The following LRRTM3 variants were observed in gnomAD, a reference collection of about 807,000 sequenced individuals.
LRRTM3 encodes the protein leucine rich repeat transmembrane neuronal 3, also known as leucine-rich repeat transmembrane neuronal protein 3.
A neutral mutation model predicts 44.7 loss-of-function variants in LRRTM3; 24 were observed. The ratio of observed to expected loss-of-function variants is 0.54; its 90% CI spans 0.39 to 0.76. The LOEUF (loss-of-function observed/expected upper bound fraction) is 0.76, where lower values mean the gene tolerates loss of function less well. LRRTM3 is among the 30% of genes least tolerant of loss of function. The probability of loss-of-function intolerance (pLI) is 0.00; values close to 1 mark genes in which losing one functional copy is unlikely to be tolerated. For synonymous variants in LRRTM3, 277 were observed against 278.7 expected (o/e 0.99, Z 0.06); for missense variants, 587 against 702.2 (o/e 0.84, Z 1.85).
intron 2 of LRRTM3, among the ~76,000 whole-genome samples, chr10:67,059,022 A>T (rs745424183): frequency 5.5e-4 from 83 of 152,226 alleles, no homozygotes; most frequent in Non-Finnish European, 1.0e-3. Context: ...CTGCTAATGC[A>T]GCCTTCTAAG....
chr10:67,014,918 A>C lies in LRRTM3; in HGVS notation c.1537-82669A>C, dbSNP rs76527945. Among the ~76,000 whole-genome samples the C allele has an allele frequency of 7.7e-3, 1,179 of 152,232 alleles. 40 individuals carry two copies. The East Asian group carries it at 0.11, about 14-fold the overall frequency. Reference sequence around the variant, plus strand: ...TGAAATCAAATTATATATGCATTTTAATATTTAAATGTTATATTTTCTTTT... The same window carrying C: ...TGAAATCAAATTATATATGCATTTTCATATTTAAATGTTATATTTTCTTTT... On this transcript the variant is annotated intron_variant, in intron 2 of 2. Transcript: ENST00000361320.
chr10:67,004,617 T>C (rs1450122302), intron 2 of LRRTM3, among the ~76,000 whole-genome samples: 1 of 152,318 alleles, frequency 6.6e-6, no homozygotes, highest in African/African-American at 2.4e-5. Context: ...ACTACAGAAC[T>C]AATCCTACAA....
intron 2 of LRRTM3, among the ~76,000 whole-genome samples, chr10:67,051,502 G>A (rs962726614): frequency 8.3e-5 from 12 of 144,802 alleles, no homozygotes; most frequent in South Asian, 2.2e-4. Flanking sequence ...CCCTGTCACC[G>A]AGGCTGGAGT....
Position 67,082,845 on chromosome 10 carries a change from G to T in LRRTM3, c.1537-14742G>T, listed in dbSNP as rs571489451. 6.6e-5 allele frequency among the ~76,000 whole-genome samples: 10 copies of T among 152,206 alleles called. No individual in the cohort carries two copies. In the East Asian group the frequency reaches 1.7e-3, roughly 26 times the overall value. On this transcript the variant is annotated intron_variant, in intron 2 of 2. Coordinates refer to ENST00000361320, the MANE Select transcript of LRRTM3 (RefSeq NM_178011.5). ...GCATGTTCTAAACTGGGTAGTCTGGGGGATGGACCACAATATTATGAGTCA... is the reference window on the plus strand; with the variant it reads ...GCATGTTCTAAACTGGGTAGTCTGGTGGATGGACCACAATATTATGAGTCA...
chr10:67,055,430 T>G (rs1331624473), intron 2 of LRRTM3, among the ~76,000 whole-genome samples: 2 of 102,952 alleles, frequency 1.9e-5, no homozygotes, highest in Non-Finnish European at 4.2e-5. Context: ...ACACAGTTCC[T>G]GTCCAAAGGG....
chr10:67,077,200 T>C (rs1323268658), intron 2 of LRRTM3, among the ~76,000 whole-genome samples: 1 of 152,186 alleles, frequency 6.6e-6, no homozygotes, highest in Non-Finnish European at 1.5e-5. Context: ...CCAGTAGCCT[T>C]TGAACAGCTT....
intron 2 of LRRTM3, among the ~76,000 whole-genome samples, chr10:66,938,994 G>A (rs190839194): frequency 1.3e-5 from 2 of 152,220 alleles, no homozygotes; most frequent in Non-Finnish European, 2.9e-5. Context: ...CTCAGCCCCA[G>A]TTCTGCAAGG....
intron 2 of LRRTM3, among the ~76,000 whole-genome samples, chr10:66,948,627 T>TTA (rs1848390651): frequency 6.6e-6 from 1 of 152,198 alleles, no homozygotes; most frequent in African/African-American, 2.4e-5. Flanking sequence ...ATTATAAAAT[T>TTA]TATATCTACA....
chr10:66,950,745 C>T (rs1223016316), intron 2 of LRRTM3, among the ~76,000 whole-genome samples: 1 of 152,108 alleles, frequency 6.6e-6, no homozygotes, highest in Non-Finnish European at 1.5e-5. Context: ...ATTTATTCAG[C>T]TGCAACTATT....
chr10:66,931,156 A>G (rs1847363820), intron 2 of LRRTM3, among the ~76,000 whole-genome samples: 1 of 150,986 alleles, frequency 6.6e-6, no homozygotes, highest in Admixed American at 6.6e-5. Context: ...ACGTATTTAC[A>G]TAAAATATTG....
At position 66,963,476 on chromosome 10, in the gene LRRTM3, T is replaced by C. The variant is rs567257280; in HGVS notation, c.1536+35024T>C. ...TCATTCCTCTTGACAACGATTACTT[T>C]CCAAGTAGATGTGAGCAAATAATAG... On this transcript the variant is annotated intron_variant, in intron 2 of 2. Coordinates refer to ENST00000361320, the MANE Select transcript of LRRTM3 (RefSeq NM_178011.5). 7.9e-5 allele frequency among the ~76,000 whole-genome samples: 12 copies of C among 152,238 alleles called. No individual in the cohort carries two copies. The East Asian group carries it at 1.9e-3, about 25-fold the overall frequency.
At chr10:66,933,276 G>A (rs979114993) in intron 2 of LRRTM3, among the ~76,000 whole-genome samples, 13 of 152,192 alleles carry the variant, frequency 8.5e-5, no homozygotes, top group African/African-American at 2.7e-4. Context: ...TCCACCTCAT[G>A]TTATCTAAGT....
intron 2 of LRRTM3, among the ~76,000 whole-genome samples, chr10:66,987,646 A>G (rs887644128): frequency 2.0e-5 from 3 of 152,206 alleles, no homozygotes; most frequent in Non-Finnish European, 4.4e-5. Context: ...AGCTTTGTAT[A>G]GTTAACTTTG....
chr10:66,950,521 T>C (rs959955597), intron 2 of LRRTM3, among the ~76,000 whole-genome samples: 1 of 152,094 alleles, frequency 6.6e-6, no homozygotes, highest in African/African-American at 2.4e-5. Flanking sequence ...TATTTCCCTA[T>C]CTTTGTCAAA....
At chr10:67,012,137 G>A (rs1852377467) in intron 2 of LRRTM3, among the ~76,000 whole-genome samples, 1 of 152,188 alleles carries the variant, frequency 6.6e-6, no homozygotes, top group Non-Finnish European at 1.5e-5. Context: ...CTTATCCACT[G>A]TGCAGTGCAC....
At position 66,928,087 on chromosome 10, in the gene LRRTM3, A is replaced by G. The variant is rs1486177031; in HGVS notation, c.1171A>G (p.Ser391Gly). ...CAAGCTCCCCAGGCCGAAGCATGAG[A>G]GCAAACCCCCTTTGCCCCCGACGGT... is the stretch of plus-strand genomic sequence containing the variant. ...KPKLPRPKHE[S>G]KPPLPPTVGA... Residue 391 changes from serine (S) to glycine (G), a missense_variant, in exon 2 of 3, where the codon AGC becomes GGC. Ser to Gly is a moderately conservative substitution (Grantham distance 56). Around this residue, in one of 3 missense-constraint regions of LRRTM3, gnomAD observed 315 missense variants for 335.6 expected, o/e 0.94. Coordinates refer to ENST00000361320, the MANE Select transcript of LRRTM3 (RefSeq NM_178011.5). 3 of 1,614,082 alleles carry G rather than the reference A, an allele frequency of 1.9e-6. No homozygotes were observed. Among genetic ancestry groups the G allele is most frequent in the Non-Finnish European group, 2.5e-6 (3 of 1,180,034 alleles).
rs979032167 is a variant in LRRTM3 at position 66,967,126 on chromosome 10, C to A, written c.1536+38674C>A. Among the ~76,000 whole-genome samples the A allele has an allele frequency of 4.2e-4, 64 of 152,018 alleles. 1 individual carries two copies. Among genetic ancestry groups the A allele is most frequent in the African/African-American group, 1.4e-3 (58 of 41,454 alleles). ...AACGTTGATGGTTCTGCTAATGAAA[C>A]AATGGTTATAGCAAAAAATAGACTA... On this transcript the variant is annotated intron_variant, in intron 2 of 2. Coordinates refer to ENST00000361320, the MANE Select transcript of LRRTM3 (RefSeq NM_178011.5).
intron 2 of LRRTM3, among the ~76,000 whole-genome samples, chr10:67,094,582 C>T (rs1419502226): frequency 6.6e-6 from 1 of 151,714 alleles, no homozygotes; most frequent in African/African-American, 2.4e-5. Flanking sequence ...CCTCATATAT[C>T]ACACAGTTTC....
At chr10:66,968,851 T>C (rs1849573435) in intron 2 of LRRTM3, among the ~76,000 whole-genome samples, 1 of 151,914 alleles carries the variant, frequency 6.6e-6, no homozygotes, top group Non-Finnish European at 1.5e-5. Context: ...ACCCTGTCTC[T>C]ACCAAAACTA....
Sources: gnomAD v4.1 joint callset for allele counts (sites outside exome capture counted in the v4.1 genomes callset) on GRCh38, gnomAD v4.1.1 for gene constraint, gnomAD v4.1.1 regional missense constraint, MANE v1.5 for transcripts, NCBI Gene and HGNC (gene_info 2026-07-23, HGNC 2026-07-21) for gene names.